Variants in AFG2A observed in about 807,000 individuals in gnomAD.
The protein encoded by AFG2A is ATPase family gene 2 protein homolog A.
chr4:123,010,955 C>CT, the AFG2A span, among the ~76,000 whole-genome samples: 1 of 151,932 alleles, frequency 6.6e-6, no homozygotes, highest in African/African-American at 2.4e-5. Flanking sequence ...GTAAGTTAAA[C>CT]TTTTTTTTTC....
the AFG2A span, among the ~76,000 whole-genome samples, chr4:123,136,988 G>T: frequency 1.3e-5 from 2 of 152,136 alleles, no homozygotes; most frequent in Admixed American, 6.5e-5. Flanking sequence ...GTGGGGCGGG[G>T]GTTGGTTTCG....
chr4:123,177,004 T>A, the AFG2A span, among the ~76,000 whole-genome samples: 7 of 152,288 alleles, frequency 4.6e-5, no homozygotes, highest in African/African-American at 1.7e-4. Context: ...ATATTTCTTG[T>A]GGGAACTTGA....
At chr4:123,245,628 C>G in the AFG2A span, among the ~76,000 whole-genome samples, 4 of 152,024 alleles carry the variant, frequency 2.6e-5, no homozygotes, top group Admixed American at 2.6e-4. Flanking sequence ...TCATTTTGTG[C>G]TCATCATCAA....
the AFG2A span, among the ~76,000 whole-genome samples, chr4:123,281,332 C>T: frequency 6.6e-6 from 1 of 152,050 alleles, no homozygotes; most frequent in African/African-American, 2.4e-5. Context: ...CGCAAAAATT[C>T]TCAAAGATAG....
the AFG2A span, among the ~76,000 whole-genome samples, chr4:122,980,169 C>T: frequency 6.6e-6 from 1 of 152,128 alleles, no homozygotes; most frequent in Admixed American, 6.5e-5. Context: ...ATTTCAGAAC[C>T]TTTATATAAA....
At chr4:122,927,613 T>C in the AFG2A span, 1 of 1,589,928 alleles carries the variant, frequency 6.3e-7, no homozygotes, top group Non-Finnish European at 8.5e-7. Context: ...AGTACAAAAA[T>C]AATTTTCTTT....
chr4:123,225,100 TC>T, the AFG2A span, among the ~76,000 whole-genome samples: 5 of 152,230 alleles, frequency 3.3e-5, no homozygotes, highest in African/African-American at 1.2e-4. Flanking sequence ...CATTGTAAAT[TC>T]TGGATATTAG....
the AFG2A span, among the ~76,000 whole-genome samples, chr4:123,087,943 C>G: frequency 6.6e-6 from 1 of 152,136 alleles, no homozygotes; most frequent in Non-Finnish European, 1.5e-5. Flanking sequence ...ACAATGCTGT[C>G]CTTTTATTGT....
the AFG2A span, among the ~76,000 whole-genome samples, chr4:123,109,334 T>A: frequency 6.6e-6 from 1 of 152,132 alleles, no homozygotes; most frequent in Admixed American, 6.5e-5. Context: ...AGAAATAAAG[T>A]TTTATTGGAA....
chr4:122,975,528 A>G, the AFG2A span, among the ~76,000 whole-genome samples: 1 of 152,180 alleles, frequency 6.6e-6, no homozygotes, highest in Non-Finnish European at 1.5e-5. Flanking sequence ...AGTCAAAGGA[A>G]AGAATATTGC....
At chr4:123,031,822 A>G in the AFG2A span, among the ~76,000 whole-genome samples, 1 of 152,248 alleles carries the variant, frequency 6.6e-6, no homozygotes, top group East Asian at 1.9e-4. Flanking sequence ...AACAGGGATT[A>G]AAAGATACGT....
chr4:123,016,553 C>T, the AFG2A span, among the ~76,000 whole-genome samples: 1 of 151,190 alleles, frequency 6.6e-6, no homozygotes, highest in Admixed American at 6.6e-5. Flanking sequence ...TCCTCACTTC[C>T]TAGATGGGAT....
At chr4:123,287,794 A>G in the AFG2A span, among the ~76,000 whole-genome samples, 35 of 152,182 alleles carry the variant, frequency 2.3e-4, no homozygotes, top group Admixed American at 6.6e-5. Context: ...GCAGGGAAGG[A>G]GAATGGGATT....
the AFG2A span, among the ~76,000 whole-genome samples, chr4:123,146,803 A>G: frequency 7.3e-4 from 111 of 151,660 alleles, no homozygotes; most frequent in Non-Finnish European, 1.4e-3. Flanking sequence ...TTTTTCCCTC[A>G]TGATTACACT....
the AFG2A span, among the ~76,000 whole-genome samples, chr4:122,925,578 T>A: frequency 6.6e-6 from 1 of 152,214 alleles, no homozygotes; most frequent in Non-Finnish European, 1.5e-5. Flanking sequence ...GCTGTCCTCT[T>A]TGCTGAGAAT....
chr4:123,103,972 C>A, the AFG2A span, among the ~76,000 whole-genome samples: 1 of 152,082 alleles, frequency 6.6e-6, no homozygotes, highest in Non-Finnish European at 1.5e-5. Flanking sequence ...GAAATTTCAC[C>A]ACAGAGCAGC....
chr4:123,017,413 AATTTTTTTTTTT>A, the AFG2A span, among the ~76,000 whole-genome samples: 6 of 88,060 alleles, frequency 6.8e-5, no homozygotes, highest in South Asian at 7.5e-4. Context: ...CAGCATGGGA[AATTTTTTTTTTT>A]TTTTTTTTTT....
chr4:123,032,511 CCTCCCAAGTATCTGGGGTTACAGG>C, the AFG2A span, among the ~76,000 whole-genome samples: 16 of 152,296 alleles, frequency 1.1e-4, no homozygotes, highest in South Asian at 4.1e-4. Flanking sequence ...TCTGCCTCAG[CCTCCCAAGTATCTGGGGTTACAGG>C]CTCCCAAGTA....
the AFG2A span, among the ~76,000 whole-genome samples, chr4:123,086,626 G>A: frequency 1.3e-4 from 19 of 151,994 alleles, no homozygotes; most frequent in East Asian, 1.5e-3. Context: ...TTCTTTTGGT[G>A]TTGCTATTAC....
Sources: gnomAD v4.1 joint callset for allele counts (sites outside exome capture counted in the v4.1 genomes callset) on GRCh38, gnomAD v4.1.1 for gene constraint, MANE v1.5 for transcripts, NCBI Gene and HGNC (gene_info 2026-07-23, HGNC 2026-07-21) for gene names.